Variants in DDR2 observed in about 807,000 individuals in gnomAD.
The protein encoded by DDR2 is discoidin domain-containing receptor 2.
A neutral mutation model predicts 94.9 loss-of-function variants in DDR2; 27 were observed. The ratio of observed to expected loss-of-function variants is 0.28; its 90% CI spans 0.21 to 0.39. The LOEUF (loss-of-function observed/expected upper bound fraction) is 0.39. Ranked by LOEUF, DDR2 falls within the 10% of genes least tolerant of loss-of-function variation. DDR2 has a pLI of 1.00. For synonymous variants in DDR2, 382 were observed against 377.2 expected, an observed-to-expected ratio of 1.01 and a Z score of -0.15; for missense variants, 783 against 1,076.0, an observed-to-expected ratio of 0.73 and a Z score of 3.81.
chr1:162,779,607 T>C (rs556435254), intron 17 of DDR2, among the ~76,000 whole-genome samples: 147 of 152,242 alleles, frequency 9.7e-4, no homozygotes, highest in Non-Finnish European at 1.8e-3. Context: ...TGTATCTTGA[T>C]ACTCTGTAAA....
chr1:162,668,841 C>T (rs1274056956), intron 2 of DDR2, among the ~76,000 whole-genome samples: 2 of 152,136 alleles, frequency 1.3e-5, no homozygotes, highest in African/African-American at 2.4e-5. Flanking sequence ...TTCTTGGACA[C>T]GATTCAACCC....
At chr1:162,745,769 C>A (rs946377194) in intron 3 of DDR2, among the ~76,000 whole-genome samples, 6 of 152,064 alleles carry the variant, frequency 3.9e-5, no homozygotes, top group Non-Finnish European at 8.8e-5. Context: ...CTGATTTCTT[C>A]TTTTTCAACA....
At chr1:162,754,948 G>T (rs1316190313) in intron 5 of DDR2, 93 bp downstream of exon 5, 6 of 1,477,828 alleles carry the variant, frequency 4.1e-6, no homozygotes, top group African/African-American at 2.8e-5. Context: ...GTGTGGATAT[G>T]TGTGTCCACA....
At chr1:162,770,094 CT>C (rs1241568672) in intron 11 of DDR2, among the ~76,000 whole-genome samples, 1 of 151,904 alleles carries the variant, frequency 6.6e-6, no homozygotes, top group Non-Finnish European at 1.5e-5. Context: ...AGATCAAATT[CT>C]ACCTTGAAGA....
chr1:162,665,563 A>AT lies in DDR2; in HGVS notation c.-28+10205dup, dbSNP rs5778284. 8.9e-3 allele frequency among the ~76,000 whole-genome samples: 1,253 copies of AT among 141,384 alleles called. 17 individuals are homozygous for AT. Among genetic ancestry groups the AT allele is most frequent in the Middle Eastern group, 0.041 (11 of 270 alleles). The allele number at this position is 141,384 out of a possible 152,430, so 92.8% of individuals were successfully genotyped here. ...TGATTAACAGGGACTTGCATGTATGATTTTTTTTTTTTTTTTGCCACTCAT... is the reference window on the plus strand; with the variant it reads ...TGATTAACAGGGACTTGCATGTATGATTTTTTTTTTTTTTTTTGCCACTCAT... On this transcript the variant is annotated intron_variant, in intron 2 of 17. Coordinates refer to ENST00000367921, the MANE Select transcript of DDR2 (RefSeq NM_006182.4).
At chr1:162,654,453 C>G (rs1357873132) in intron 1 of DDR2, among the ~76,000 whole-genome samples, 6 of 152,096 alleles carry the variant, frequency 3.9e-5, no homozygotes, top group Admixed American at 3.3e-4. Flanking sequence ...CTAAAGAATA[C>G]AACAGCAAAC....
In DDR2 at chr1:162,773,606, C is replaced by G. The variant is rs1647354220; in HGVS notation, c.1856+10C>G. On this transcript the variant is annotated intron_variant, in intron 14 of 17. Coordinates refer to ENST00000367921, the MANE Select transcript of DDR2 (RefSeq NM_006182.4). ...CCAACAAGAATGCCAGGTCTGTGGT[C>G]TACATTTTGAATTTTCCTTTAGGTA... 6.2e-7 allele frequency: 1 copy of G among 1,613,652 alleles called. No homozygotes were observed. Among genetic ancestry groups the G allele is most frequent in the Non-Finnish European group, 8.5e-7 (1 of 1,179,722 alleles).
In DDR2 at chr1:162,698,834, G is replaced by C. The variant is rs935250277; in HGVS notation, c.-27-20203G>C. Reference sequence around the variant, plus strand: ...GTCATTCCCATTGCTAGCTTTGGAGGCCTTCTCCCACAATTCATAGCCTCC... The same window carrying C: ...GTCATTCCCATTGCTAGCTTTGGAGCCCTTCTCCCACAATTCATAGCCTCC... On this transcript the variant is annotated intron_variant, in intron 2 of 17. Coordinates refer to ENST00000367921, the MANE Select transcript of DDR2 (RefSeq NM_006182.4). Among the ~76,000 whole-genome samples, 5 of 152,148 alleles carry C rather than the reference G, an allele frequency of 3.3e-5. No homozygotes were observed. In the East Asian group the frequency reaches 9.6e-4, roughly 29 times the overall value.
chr1:162,776,990 T>C (rs1285984195), intron 16 of DDR2, among the ~76,000 whole-genome samples: 1 of 152,194 alleles, frequency 6.6e-6, no homozygotes, highest in Non-Finnish European at 1.5e-5. Flanking sequence ...TTTTACTTCC[T>C]ACAATGCCAT....
At chr1:162,637,697 AT>A (rs201855131) in intron 1 of DDR2, among the ~76,000 whole-genome samples, 1 of 152,138 alleles carries the variant, frequency 6.6e-6, no homozygotes, top group East Asian at 1.9e-4. Context: ...TATTAGAAAA[AT>A]TTTTTTTCTG....
At chr1:162,683,221 T>C (rs552069309) in intron 2 of DDR2, among the ~76,000 whole-genome samples, 29 of 152,234 alleles carry the variant, frequency 1.9e-4, no homozygotes, top group African/African-American at 7.0e-4. Context: ...ACAGCTAACA[T>C]CATACTTTGT....
At chr1:162,686,332 G>A (rs1053427430) in intron 2 of DDR2, among the ~76,000 whole-genome samples, 2 of 152,102 alleles carry the variant, frequency 1.3e-5, no homozygotes, top group African/African-American at 4.8e-5. Flanking sequence ...AGCCCTGCAT[G>A]CATTAGGTAT....
intron 1 of DDR2, among the ~76,000 whole-genome samples, chr1:162,645,698 G>C (rs751760895): frequency 6.6e-5 from 10 of 152,064 alleles, no homozygotes; most frequent in Non-Finnish European, 1.5e-4. Flanking sequence ...TAGCTTTGAG[G>C]GTTCATAAGT....
Position 162,768,699 on chromosome 1 carries a change from T to C in DDR2, c.1293+1340T>C, listed in dbSNP as rs1167685724. 1.3e-5 allele frequency among the ~76,000 whole-genome samples: 2 copies of C among 152,204 alleles called. 1 individual carries two copies. The highest frequency in any genetic ancestry group is 3.9e-4 in the East Asian group (2 of 5,192). On this transcript the variant is annotated intron_variant, in intron 11 of 17. Transcript: ENST00000367921. ...CCTCAGGTTCCTGAGATGGTTGATG[T>C]TTGTTTTAAGGTTTTTAGGAAGGAA...
intron 2 of DDR2, among the ~76,000 whole-genome samples, chr1:162,670,284 T>C: frequency 6.6e-6 from 1 of 152,178 alleles, no homozygotes; most frequent in African/African-American, 2.4e-5. Context: ...CTAATTTTTG[T>C]ATTTTTAGTA....
At chr1:162,726,766 A>G (rs1470560338) in intron 3 of DDR2, among the ~76,000 whole-genome samples, 1 of 152,148 alleles carries the variant, frequency 6.6e-6, no homozygotes, top group Non-Finnish European at 1.5e-5. Context: ...AGTCTACAGA[A>G]GAACAACAGT....
At chr1:162,771,466 G>A (rs984375383) in intron 12 of DDR2, among the ~76,000 whole-genome samples, 1 of 152,144 alleles carries the variant, frequency 6.6e-6, no homozygotes, top group Non-Finnish European at 1.5e-5. Flanking sequence ...CTAAATTCAA[G>A]TAATTTCACA....
intron 2 of DDR2, among the ~76,000 whole-genome samples, chr1:162,661,604 G>C (rs962231394): frequency 2.0e-5 from 3 of 152,206 alleles, no homozygotes; most frequent in African/African-American, 7.2e-5. Context: ...CCAAGGATCA[G>C]GAAATACAGA....
chr1:162,650,794 C>T (rs1657651702), intron 1 of DDR2, among the ~76,000 whole-genome samples: 1 of 151,992 alleles, frequency 6.6e-6, no homozygotes, highest in South Asian at 2.1e-4. Context: ...GGCTCGATCT[C>T]AGCTCACTGC....
Sources: gnomAD v4.1 joint callset for allele counts (sites outside exome capture counted in the v4.1 genomes callset) on GRCh38, gnomAD v4.1.1 for gene constraint, MANE v1.5 for transcripts, NCBI Gene and HGNC (gene_info 2026-07-23, HGNC 2026-07-21) for gene names.